The following GRM8 variants were observed in gnomAD, a reference collection of about 807,000 sequenced individuals.
The protein encoded by GRM8 is metabotropic glutamate receptor 8.
A neutral mutation model predicts 87.2 loss-of-function variants in GRM8; 47 were observed. That is an observed-to-expected ratio of 0.54 (90% CI 0.43 to 0.69). The LOEUF (loss-of-function observed/expected upper bound fraction) is 0.69. Ranked by LOEUF, GRM8 falls within the 30% of genes least tolerant of loss-of-function variation. The pLI is 0.00. For missense variants in GRM8, 1,019 were observed against 1,139.2 expected (o/e 0.89, Z 1.52); for synonymous variants, 396 against 404.5 (o/e 0.98, Z 0.25).
chr7:126,713,929 T>C (rs1031783557), intron 7 of GRM8, among the ~76,000 whole-genome samples: 34 of 151,630 alleles, frequency 2.2e-4, no homozygotes, highest in Admixed American at 2.2e-3. Context: ...AATAAATAAA[T>C]GCATAGCCTC....
chr7:126,977,483 G>A (rs1396140537), intron 3 of GRM8, among the ~76,000 whole-genome samples: 1 of 152,154 alleles, frequency 6.6e-6, no homozygotes, highest in Non-Finnish European at 1.5e-5. Context: ...ATCTGGAGAA[G>A]GAAATAAGAA....
chr7:127,068,438 C>A (rs1166463935), intron 3 of GRM8, among the ~76,000 whole-genome samples: 2 of 152,140 alleles, frequency 1.3e-5, no homozygotes, highest in African/African-American at 4.8e-5. Context: ...ATGCATGGGA[C>A]AGCAACATTT....
intron 3 of GRM8, among the ~76,000 whole-genome samples, chr7:126,995,435 T>C (rs981581429): frequency 1.3e-5 from 2 of 152,216 alleles, no homozygotes; most frequent in African/African-American, 4.8e-5. Flanking sequence ...AATAGCTCTT[T>C]CGAGGAAACT....
chr7:126,502,505 A>C (rs1584849019), intron 9 of GRM8, among the ~76,000 whole-genome samples: 1 of 152,100 alleles, frequency 6.6e-6, no homozygotes, highest in Non-Finnish European at 1.5e-5. Context: ...AAAAATATGA[A>C]TATTTGCATT....
intron 10 of GRM8, among the ~76,000 whole-genome samples, chr7:126,442,509 A>G (rs749963344): frequency 7.2e-5 from 11 of 152,008 alleles, no homozygotes; most frequent in Non-Finnish European, 1.5e-4. Flanking sequence ...GGGTCATCCA[A>G]CTTCCTACAC....
At chr7:126,560,158 G>A (rs922841126) in intron 8 of GRM8, among the ~76,000 whole-genome samples, 1 of 152,160 alleles carries the variant, frequency 6.6e-6, no homozygotes, top group African/African-American at 2.4e-5. Context: ...ATATTAAAAT[G>A]TTGGGCAGTG....
At chr7:126,675,772 A>T (rs769103219) in intron 7 of GRM8, among the ~76,000 whole-genome samples, 14 of 152,204 alleles carry the variant, frequency 9.2e-5, no homozygotes, top group Non-Finnish European at 1.6e-4. Context: ...TGACAAACCC[A>T]TAGCCAGCAT....
intron 7 of GRM8, among the ~76,000 whole-genome samples, chr7:126,674,475 T>C (rs1006633462): frequency 6.6e-6 from 1 of 152,272 alleles, no homozygotes; most frequent in Middle Eastern, 3.4e-3. Flanking sequence ...AGGTATCACA[T>C]TAATAAGACC....
chr7:127,080,137 AG>A (rs1295736677), intron 3 of GRM8, among the ~76,000 whole-genome samples: 1 of 152,184 alleles, frequency 6.6e-6, no homozygotes, highest in African/African-American at 2.4e-5. Flanking sequence ...TGTAACCACA[AG>A]GGTCCTTAAA....
At chr7:126,471,528 C>T (rs1402335984) in intron 9 of GRM8, among the ~76,000 whole-genome samples, 4 of 151,966 alleles carry the variant, frequency 2.6e-5, no homozygotes, top group Non-Finnish European at 4.4e-5. Flanking sequence ...TCTGAGGGCT[C>T]TGTTCTCTTC....
At chr7:126,746,823 G>C (rs1454275355) in intron 7 of GRM8, among the ~76,000 whole-genome samples, 1 of 151,518 alleles carries the variant, frequency 6.6e-6, no homozygotes, top group African/African-American at 2.4e-5. Context: ...GAAATGTCTT[G>C]ATAACAATGA....
chr7:127,213,083 G>A (rs547286060), intron 2 of GRM8, among the ~76,000 whole-genome samples: 2 of 152,302 alleles, frequency 1.3e-5, no homozygotes, highest in South Asian at 2.1e-4. Flanking sequence ...ATGAATGTGT[G>A]TAAACCCAAA....
intron 6 of GRM8, among the ~76,000 whole-genome samples, chr7:126,800,531 C>T (rs937536890): frequency 2.0e-5 from 3 of 152,090 alleles, no homozygotes; most frequent in Non-Finnish European, 4.4e-5. Context: ...TCTTGCTACA[C>T]GCTAATTTGT....
At chr7:126,682,448 T>A (rs1353468719) in intron 7 of GRM8, among the ~76,000 whole-genome samples, 1 of 152,238 alleles carries the variant, frequency 6.6e-6, no homozygotes. Context: ...AGAAAACAGC[T>A]GCTTAGAGAG....
chr7:126,516,624 G>C (rs1284776047), intron 9 of GRM8, among the ~76,000 whole-genome samples: 1 of 152,064 alleles, frequency 6.6e-6, no homozygotes, highest in Non-Finnish European at 1.5e-5. Context: ...GCAAGAAAGA[G>C]AGCCCTTTGG....
At chr7:127,100,412 A>G (rs1825124714) in intron 3 of GRM8, among the ~76,000 whole-genome samples, 1 of 152,084 alleles carries the variant, frequency 6.6e-6, no homozygotes, top group Admixed American at 6.6e-5. Flanking sequence ...ATGACCATAA[A>G]CCCATGAAAA....
chr7:126,808,750 T>C (rs1793010970), intron 6 of GRM8, among the ~76,000 whole-genome samples: 1 of 152,194 alleles, frequency 6.6e-6, no homozygotes, highest in Non-Finnish European at 1.5e-5. Context: ...TAAACTGTAG[T>C]ATGAAATGCA....
At chr7:127,067,051 G>A (rs1392519312) in intron 3 of GRM8, among the ~76,000 whole-genome samples, 1 of 152,162 alleles carries the variant, frequency 6.6e-6, no homozygotes, top group East Asian at 1.9e-4. Flanking sequence ...TCTTGTACCA[G>A]TATTCACTCT....
chr7:127,031,548 TC>T (rs1333087493), intron 3 of GRM8, among the ~76,000 whole-genome samples: 1 of 152,060 alleles, frequency 6.6e-6, no homozygotes. Flanking sequence ...ATTGTATCTC[TC>T]TGTTACAAAC....
Sources: gnomAD v4.1 joint callset for allele counts (sites outside exome capture counted in the v4.1 genomes callset) on GRCh38, gnomAD v4.1.1 for gene constraint, MANE v1.5 for transcripts, NCBI Gene and HGNC (gene_info 2026-07-23, HGNC 2026-07-21) for gene names.